Variants in PLD5 observed in about 807,000 individuals in gnomAD.
PLD5 encodes the protein phospholipase D family member 5, also known as inactive phospholipase D5.
Under a neutral mutation model 61.1 loss-of-function variants are expected in PLD5, and 36 were observed. The ratio of observed to expected loss-of-function variants is 0.59; its 90% CI spans 0.45 to 0.78. PLD5 has a LOEUF of 0.78. Among genes scored for constraint, PLD5 ranks in the 30% least tolerant of loss-of-function variants. The pLI is 0.00. For synonymous variants in PLD5, 243 were observed against 242.8 expected (o/e 1.00, Z -0.01); for missense variants, 515 against 644.4 (o/e 0.80, Z 2.17).
intron 4 of PLD5, among the ~76,000 whole-genome samples, chr1:242,245,728 G>T (rs1166415812): frequency 6.6e-6 from 1 of 152,182 alleles, no homozygotes; most frequent in East Asian, 1.9e-4. Context: ...AGAATCGGGG[G>T]TGGGAATGGG....
chr1:242,152,440 T>C (rs1385651170), intron 5 of PLD5, among the ~76,000 whole-genome samples: 1 of 152,132 alleles, frequency 6.6e-6, no homozygotes, highest in Non-Finnish European at 1.5e-5. Context: ...TGTGCCATGG[T>C]GGTTTGGTGC....
At chr1:242,433,481 AT>A (rs1184283141) in intron 1 of PLD5, among the ~76,000 whole-genome samples, 2 of 151,996 alleles carry the variant, frequency 1.3e-5, no homozygotes, top group African/African-American at 4.8e-5. Flanking sequence ...TTCGCACCTT[AT>A]TTTTTCCACT....
intron 5 of PLD5, among the ~76,000 whole-genome samples, chr1:242,168,765 A>G (rs1325890226): frequency 6.6e-6 from 1 of 151,404 alleles, no homozygotes; most frequent in Non-Finnish European, 1.5e-5. Context: ...AAATAGTAAA[A>G]TAGCAGTTGT....
chr1:242,257,587 A>C (rs973625059), intron 4 of PLD5, among the ~76,000 whole-genome samples: 2 of 152,204 alleles, frequency 1.3e-5, no homozygotes, highest in African/African-American at 4.8e-5. Context: ...ACAACGTACA[A>C]GATTATATTC....
chr1:242,343,338 C>A (rs1287588819), intron 2 of PLD5, among the ~76,000 whole-genome samples: 1 of 152,142 alleles, frequency 6.6e-6, no homozygotes, highest in Admixed American at 6.5e-5. Context: ...AAAGATAACA[C>A]ATTGGACTTC....
intron 5 of PLD5, among the ~76,000 whole-genome samples, chr1:242,175,828 A>G (rs566284845): frequency 1.3e-5 from 2 of 152,348 alleles, no homozygotes; most frequent in South Asian, 4.1e-4. Flanking sequence ...GAGCCAAATC[A>G]TGAGTGAACT....
Position 242,374,361 on chromosome 1 carries a change from C to T in PLD5, c.190-26119G>A, listed in dbSNP as rs552228703. ...ATGCTTTTTCAGTTCCTCCATTGAT[C>T]GGAGAGGCTGACATTTTCCTTCATC... On this transcript the variant is annotated intron_variant, in intron 1 of 9. Coordinates refer to ENST00000536534, the MANE Select transcript of PLD5 (RefSeq NM_001372062.1). 4.4e-4 allele frequency among the ~76,000 whole-genome samples: 67 copies of T among 152,272 alleles called. 2 individuals are homozygous for T. In the South Asian group the frequency reaches 0.012, roughly 27 times the overall value.
At chr1:242,159,054 C>CT (rs1329807142) in intron 5 of PLD5, among the ~76,000 whole-genome samples, 2 of 152,028 alleles carry the variant, frequency 1.3e-5, no homozygotes, top group Non-Finnish European at 2.9e-5. Context: ...GTTTCAATAT[C>CT]TGTTTCATAT....
At position 242,094,954 on chromosome 1, in the gene PLD5, T is replaced by G. The variant is rs544339665; in HGVS notation, c.1355-4844A>C. 9.2e-5 allele frequency among the ~76,000 whole-genome samples: 14 copies of G among 151,926 alleles called. No individual in the cohort carries two copies. The South Asian group carries it at 2.9e-3, about 32-fold the overall frequency. On this transcript the variant is annotated intron_variant, in intron 9 of 9. Coordinates refer to ENST00000536534, the MANE Select transcript of PLD5 (RefSeq NM_001372062.1). The stretch of plus-strand genomic sequence containing the variant: ...TATTATTTTTTAATATTTTATTTTA[T>G]CAAGAACAGAGTCTCGCTCTGTTGC...
chr1:242,497,747 A>T (rs1479124181), intron 1 of PLD5, among the ~76,000 whole-genome samples: 1 of 152,210 alleles, frequency 6.6e-6, no homozygotes, highest in Non-Finnish European at 1.5e-5. Context: ...TCTGCTTTCT[A>T]TCGGGTCTTT....
At chr1:242,245,167 GA>G (rs983904783) in intron 4 of PLD5, among the ~76,000 whole-genome samples, 1 of 151,162 alleles carries the variant, frequency 6.6e-6, no homozygotes, top group African/African-American at 2.4e-5. Context: ...GTTAGGAAAA[GA>G]AAAAAAAGGA....
intron 6 of PLD5, among the ~76,000 whole-genome samples, chr1:242,114,386 A>G (rs1345302036): frequency 6.6e-6 from 1 of 152,224 alleles, no homozygotes; most frequent in African/African-American, 2.4e-5. Flanking sequence ...TAGCATATCT[A>G]TCATCTCAAA....
intron 1 of PLD5, among the ~76,000 whole-genome samples, chr1:242,370,448 G>C (rs1172056644): frequency 6.6e-6 from 1 of 152,078 alleles, no homozygotes; most frequent in Non-Finnish European, 1.5e-5. Context: ...CAGAGAGAGA[G>C]AGATGCAGAC....
intron 4 of PLD5, among the ~76,000 whole-genome samples, chr1:242,222,246 TCA>T (rs1670641260): frequency 6.6e-6 from 1 of 152,188 alleles, no homozygotes; most frequent in Non-Finnish European, 1.5e-5. Context: ...TCAAGTAAGG[TCA>T]CAGTCTGCAG....
At chr1:242,481,524 C>G (rs954078560) in intron 1 of PLD5, among the ~76,000 whole-genome samples, 1 of 152,228 alleles carries the variant, frequency 6.6e-6, no homozygotes, top group Non-Finnish European at 1.5e-5. Context: ...GGGCGCCTGC[C>G]ATTGCTGAGG....
At chr1:242,342,577 G>A (rs10926692) in intron 2 of PLD5, among the ~76,000 whole-genome samples, 151,628 of 152,300 alleles carry the variant, frequency 1, 75,486 homozygotes, top group Middle Eastern at 1. Flanking sequence ...TTCCTTACCT[G>A]TCAGTGATGT....
chr1:242,235,664 G>A (rs1210464023), intron 4 of PLD5: 1 of 152,156 alleles, frequency 6.6e-6, no homozygotes, highest in Non-Finnish European at 1.5e-5. Flanking sequence ...AGAAGCTTCA[G>A]GCAATGATCA....
At chr1:242,368,290 C>T (rs897132116) in intron 1 of PLD5, among the ~76,000 whole-genome samples, 1 of 151,110 alleles carries the variant, frequency 6.6e-6, no homozygotes, top group Non-Finnish European at 1.5e-5. Context: ...AGCCCTGAAC[C>T]ACCTGCATTC....
At chr1:242,247,645 A>G (rs2149075993) in intron 4 of PLD5, among the ~76,000 whole-genome samples, 1 of 152,210 alleles carries the variant, frequency 6.6e-6, no homozygotes, top group Admixed American at 6.5e-5. Flanking sequence ...CTCCGTTCTC[A>G]TCACAGCCAA....
Sources: gnomAD v4.1 joint callset for allele counts (sites outside exome capture counted in the v4.1 genomes callset) on GRCh38, gnomAD v4.1.1 for gene constraint, MANE v1.5 for transcripts, NCBI Gene and HGNC (gene_info 2026-07-23, HGNC 2026-07-21) for gene names.